Variants in KLF17 observed in about 807,000 individuals in gnomAD.
KLF17 encodes the protein Krueppel-like factor 17.
In KLF17, 31 loss-of-function variants were observed where a neutral mutation model predicts 34.2. That is an observed-to-expected ratio of 0.91 (90% CI 0.68 to 1.22). KLF17 has a LOEUF of 1.22. Ranked by LOEUF, KLF17 falls within the 50% of genes most tolerant of loss-of-function variation. The pLI, the probability that KLF17 is intolerant of heterozygous loss-of-function variation, is 0.00. For missense variants in KLF17, 478 were observed against 505.2 expected, an observed-to-expected ratio of 0.95 and a Z score of 0.52; for synonymous variants, 179 against 186.7, an observed-to-expected ratio of 0.96 and a Z score of 0.34.
intron 1 of KLF17, among the ~76,000 whole-genome samples, chr1:44,125,718 T>C (rs1475413138): frequency 6.6e-6 from 1 of 152,188 alleles, no homozygotes. Flanking sequence ...TCCACCTGCT[T>C]CAGCCTCCCA....
At chr1:44,057,586 A>G in the KLF17 span, among the ~76,000 whole-genome samples, 2 of 152,180 alleles carry the variant, frequency 1.3e-5, no homozygotes, top group Non-Finnish European at 2.9e-5. Context: ...GCAGCACCAT[A>G]CTATATCTCT....
At chr1:44,131,744 G>T (rs1477998344) in intron 3 of KLF17, among the ~76,000 whole-genome samples, 1 of 152,148 alleles carries the variant, frequency 6.6e-6, no homozygotes. Context: ...ACCATGGCTG[G>T]AGTACAGTGG....
chr1:44,116,058 T>G (rs776856693), upstream of KLF17: 1 of 152,206 alleles, frequency 6.6e-6, no homozygotes, highest in Non-Finnish European at 1.5e-5. Context: ...ATAAAAATGA[T>G]CTGCTCTGTG....
At chr1:44,094,940 A>T in the KLF17 span, among the ~76,000 whole-genome samples, 21 of 146,450 alleles carry the variant, frequency 1.4e-4, 1 homozygote, top group East Asian at 3.4e-3. Context: ...TCTCACTCTC[A>T]CCCAGGCTGG....
chr1:44,049,857 A>T, the KLF17 span, among the ~76,000 whole-genome samples: 1 of 152,236 alleles, frequency 6.6e-6, no homozygotes, highest in Admixed American at 6.5e-5. Context: ...ATTGTGGTAT[A>T]CTATTCCATT....
the KLF17 span, among the ~76,000 whole-genome samples, chr1:44,084,848 C>G: frequency 6.8e-6 from 1 of 147,796 alleles, no homozygotes; most frequent in Non-Finnish European, 1.5e-5. Context: ...CCAAGGCAGG[C>G]AGAATGCTTG....
rs2088153428 is a variant in KLF17, at chr1:44,135,114, CTG to C, written c.*1879_*1880del. On this transcript the variant is annotated 3_prime_UTR_variant, in exon 4 of 4. Coordinates refer to ENST00000372299, the MANE Select transcript of KLF17 (RefSeq NM_173484.4). The stretch of plus-strand genomic sequence containing the variant: ...GTTTGAGACCAGTGTGACCTTGTCT[CTG>C]TAAAAAATAAAATTAAAAGAAAAAG... The C allele has an allele frequency of 6.6e-6, 1 of 152,026 alleles. No homozygotes were observed. Among genetic ancestry groups the C allele is most frequent in the Admixed American group, 6.6e-5 (1 of 15,258 alleles). 9.4% of individuals were successfully genotyped at this position (152,026 alleles called of 1,614,324 possible).
chr1:44,092,490 G>T, the KLF17 span, among the ~76,000 whole-genome samples: 1 of 152,074 alleles, frequency 6.6e-6, no homozygotes, highest in Non-Finnish European at 1.5e-5. Context: ...AACCAAAATA[G>T]TTCAAGTGAT....
intron 1 of KLF17, chr1:44,122,104 A>C: frequency 8.2e-7 from 1 of 1,215,198 alleles, no homozygotes; most frequent in Non-Finnish European, 1.2e-6. Context: ...ACCTGTACAA[A>C]AAATATCCCA....
At chr1:44,102,778 T>C in the KLF17 span, among the ~76,000 whole-genome samples, 2 of 152,112 alleles carry the variant, frequency 1.3e-5, no homozygotes, top group Non-Finnish European at 2.9e-5. Flanking sequence ...GGAATAGCTG[T>C]GCACATGTGG....
At chr1:44,104,615 C>T in the KLF17 span, 38 of 556,274 alleles carry the variant, frequency 6.8e-5, no homozygotes, top group Non-Finnish European at 1.2e-4. Context: ...ACCATAGCCT[C>T]TGCCCAGGCC....
chr1:44,121,951 AC>A (rs2087950545), intron 1 of KLF17, among the ~76,000 whole-genome samples: 1 of 152,212 alleles, frequency 6.6e-6, no homozygotes, highest in Admixed American at 6.5e-5. Context: ...CCATTCACCT[AC>A]TGGTTTTAAC....
At chr1:44,083,691 G>A in the KLF17 span, among the ~76,000 whole-genome samples, 2 of 151,626 alleles carry the variant, frequency 1.3e-5, no homozygotes, top group African/African-American at 4.9e-5. Context: ...CCACTTGGGA[G>A]GCTGAGGCAG....
the KLF17 span, among the ~76,000 whole-genome samples, chr1:44,097,022 G>T: frequency 6.6e-6 from 1 of 152,126 alleles, no homozygotes; most frequent in African/African-American, 2.4e-5. Flanking sequence ...TAACGAAGTG[G>T]TCTAGTTTCA....
the KLF17 span, among the ~76,000 whole-genome samples, chr1:44,112,549 C>T: frequency 6.6e-6 from 1 of 152,122 alleles, no homozygotes; most frequent in Non-Finnish European, 1.5e-5. Context: ...GGACTACAGG[C>T]ACTTGCCACC....
the KLF17 span, chr1:44,104,416 C>G: frequency 1.1e-6 from 1 of 893,016 alleles, no homozygotes; most frequent in Admixed American, 1.7e-5. Context: ...CACTTCGTCT[C>G]CTGAATCTTG....
the KLF17 span, among the ~76,000 whole-genome samples, chr1:44,052,598 C>T: frequency 6.6e-6 from 1 of 152,204 alleles, no homozygotes; most frequent in East Asian, 1.9e-4. Context: ...TTCCCATTTG[C>T]AGCTTATAAT....
the KLF17 span, among the ~76,000 whole-genome samples, chr1:44,053,056 T>A: frequency 6.6e-6 from 1 of 151,962 alleles, no homozygotes; most frequent in Non-Finnish European, 1.5e-5. Flanking sequence ...CAGGCTACCA[T>A]GACCAACTAA....
the KLF17 span, chr1:44,048,344 C>T: frequency 6.6e-6 from 1 of 152,208 alleles, no homozygotes; most frequent in Non-Finnish European, 1.5e-5. Flanking sequence ...CACTGATCCC[C>T]TTCATTCACT....
Sources: allele counts gnomAD v4.1 joint callset (sites outside exome capture counted in the v4.1 genomes callset), GRCh38; gene constraint gnomAD v4.1.1; transcripts MANE v1.5; gene names NCBI Gene and HGNC (gene_info 2026-07-23, HGNC 2026-07-21).